Variants in DNAAF6 observed in about 807,000 individuals in gnomAD.
DNAAF6 encodes the protein dynein axonemal assembly factor 6, also known as PIH1 domain containing 3.
Under a neutral mutation model 13.7 loss-of-function variants are expected in DNAAF6, and 3 were observed. The observed-to-expected ratio is 0.22, with a 90% CI of 0.10 to 0.56. The LOEUF (loss-of-function observed/expected upper bound fraction) is 0.56, where lower values mean the gene tolerates loss of function less well. DNAAF6 is among the 20% of genes least tolerant of loss of function. The probability of loss-of-function intolerance (pLI) is 0.92; values close to 1 mark genes in which losing one functional copy is unlikely to be tolerated. For missense variants in DNAAF6, 130 were observed against 151.0 expected (o/e 0.86, Z 0.73); for synonymous variants, 54 against 49.2 (o/e 1.10, Z -0.41).
In DNAAF6 at chrX:107,209,685, T is replaced by C. The variant is rs895571020; in HGVS notation, c.-4+2995T>C. On this transcript the variant is annotated intron_variant, in intron 1 of 6. Transcript: ENST00000372453. ...CTGACCTCAGGTGATCCACCCACCT[T>C]AGCCTCCCAAAGTGCTGGGATTACA... is the stretch of plus-strand genomic sequence containing the variant. Among the ~76,000 whole-genome samples, 13 of 112,121 alleles carry C rather than the reference T, an allele frequency of 1.2e-4. No individual in the cohort carries two copies. In the East Asian group the frequency reaches 3.6e-3, roughly 31 times the overall value.
intron 1 of DNAAF6, among the ~76,000 whole-genome samples, chrX:107,208,376 T>G (rs190407189): frequency 9.3e-6 from 1 of 107,630 alleles, no homozygotes; most frequent in East Asian, 3.0e-4. Context: ...GAGGCTGCAG[T>G]GAGCCGAGAT....
intron 4 of DNAAF6, among the ~76,000 whole-genome samples, chrX:107,221,401 C>T (rs1241893291): frequency 1.8e-5 from 2 of 110,398 alleles, no homozygotes; most frequent in African/African-American, 6.6e-5. Context: ...ACTACAGGTG[C>T]ACACTTTATT....
Position 107,243,923 on chromosome X carries a change from T to C in DNAAF6, c.*625T>C, listed in dbSNP as rs1288749246. The C allele has an allele frequency of 8.9e-6, 1 of 112,500 alleles. No homozygotes were observed. The highest frequency in any genetic ancestry group is 2.8e-4 in the East Asian group (1 of 3,588). The allele number at this position is 112,500 out of a possible 1,213,427, so 9.3% of individuals were successfully genotyped here. A position where few individuals can be genotyped will look rare whatever the true frequency, so the allele number is the denominator to read the frequency against. On this transcript the variant is annotated 3_prime_UTR_variant, in exon 7 of 7. Transcript: ENST00000372453. ...GGTCATTATTATTACCAGAGAATTT[T>C]ATTTGGTTGCTTTTTCATTGATTTG... is the stretch of plus-strand genomic sequence containing the variant.
At chrX:107,231,909 G>C (rs1428507525) in intron 5 of DNAAF6, among the ~76,000 whole-genome samples, 1 of 111,089 alleles carries the variant, frequency 9.0e-6, no homozygotes, top group Non-Finnish European at 1.9e-5. Context: ...CCAGGCTAGG[G>C]TGCAGTGGTG....
intron 5 of DNAAF6, among the ~76,000 whole-genome samples, chrX:107,230,909 G>A (rs1007020716): frequency 1.8e-5 from 2 of 111,229 alleles, no homozygotes; most frequent in Non-Finnish European, 3.8e-5. Flanking sequence ...GTTATTTCCC[G>A]ATTCCTTGTT....
chrX:107,230,427 A>T (rs1300810708), intron 5 of DNAAF6, among the ~76,000 whole-genome samples: 2 of 111,998 alleles, frequency 1.8e-5, no homozygotes, highest in Admixed American at 1.9e-4. Context: ...TCACACCTGT[A>T]ATTCCAGCAC....
intron 6 of DNAAF6, 26 bp from the exon 7 acceptor site, chrX:107,243,143 G>A: frequency 8.4e-7 from 1 of 1,195,366 alleles, no homozygotes; most frequent in Non-Finnish European, 1.1e-6. Flanking sequence ...AGGAAGCTAA[G>A]GTTTTATTTT....
intron 1 of DNAAF6, 54 bp downstream of exon 1, chrX:107,206,744 G>C (rs961504949): frequency 8.1e-5 from 9 of 110,965 alleles, no homozygotes; most frequent in South Asian, 7.7e-4. Flanking sequence ...AGATGCTGTG[G>C]CTATCAGAAA....
intron 1 of DNAAF6, among the ~76,000 whole-genome samples, chrX:107,212,517 A>G (rs757020628): frequency 2.7e-5 from 3 of 111,865 alleles, no homozygotes; most frequent in Non-Finnish European, 5.6e-5. Flanking sequence ...TACATAATGT[A>G]TCATACACTT....
At chrX:107,212,568 C>T (rs1927881135) in intron 1 of DNAAF6, among the ~76,000 whole-genome samples, 1 of 111,712 alleles carries the variant, frequency 9.0e-6, no homozygotes, top group Non-Finnish European at 1.9e-5. Flanking sequence ...TTTAAACCAA[C>T]TCCCCCAAGT....
chrX:107,221,646 T>C (rs1928144181), intron 4 of DNAAF6, among the ~76,000 whole-genome samples: 1 of 111,520 alleles, frequency 9.0e-6, no homozygotes, highest in Non-Finnish European at 1.9e-5. Context: ...CTTGAGCAAA[T>C]CCATTAGGAG....
intron 5 of DNAAF6, 35 bp from the exon 6 acceptor site, chrX:107,238,887 G>A (rs1285868879): frequency 6.7e-6 from 8 of 1,201,055 alleles, no homozygotes; most frequent in Non-Finnish European, 9.0e-6. Context: ...TGCTCTCCAA[G>A]ATATCACTAT....
intron 5 of DNAAF6, among the ~76,000 whole-genome samples, chrX:107,230,285 T>C (rs1188881499): frequency 8.9e-6 from 1 of 111,854 alleles, no homozygotes; most frequent in Non-Finnish European, 1.9e-5. Flanking sequence ...ACGATCATCA[T>C]CTCTATCTGG....
At chrX:107,235,693 C>T (rs1409585195) in intron 5 of DNAAF6, among the ~76,000 whole-genome samples, 1 of 111,538 alleles carries the variant, frequency 9.0e-6, no homozygotes, top group Non-Finnish European at 1.9e-5. Context: ...GAGCCTAAGC[C>T]AGAACCATCT....
chrX:107,239,082 T>C (rs1928577951), intron 6 of DNAAF6, 75 bp downstream of exon 6: 1 of 1,090,929 alleles, frequency 9.2e-7, no homozygotes, highest in Admixed American at 3.7e-5. Context: ...TTTTAAAATG[T>C]ACAGTTATTT....
intron 2 of DNAAF6, 147 bp downstream of exon 2, chrX:107,213,175 A>G: frequency 2.0e-6 from 1 of 503,339 alleles, no homozygotes. Flanking sequence ...TATGCATGAC[A>G]ATGTAACCTG....
intron 2 of DNAAF6, among the ~76,000 whole-genome samples, chrX:107,214,600 G>A (rs911959737): frequency 9.0e-6 from 1 of 111,507 alleles, no homozygotes; most frequent in Non-Finnish European, 1.9e-5. Flanking sequence ...CTATAATAAT[G>A]TATGATTCTG....
At chrX:107,218,009 C>T (rs1401177424) in intron 3 of DNAAF6, among the ~76,000 whole-genome samples, 1 of 112,327 alleles carries the variant, frequency 8.9e-6, no homozygotes, top group Non-Finnish European at 1.9e-5. Flanking sequence ...TGTAGTTAGG[C>T]TTTACAAAGC....
At chrX:107,206,902 C>T (rs1227005369) in intron 1 of DNAAF6, among the ~76,000 whole-genome samples, 1 of 111,806 alleles carries the variant, frequency 8.9e-6, no homozygotes, top group African/African-American at 3.3e-5. Flanking sequence ...AAACAGGACG[C>T]TGCTTTAACA....
Sources: gnomAD v4.1 joint callset for allele counts (sites outside exome capture counted in the v4.1 genomes callset) on GRCh38, gnomAD v4.1.1 for gene constraint, MANE v1.5 for transcripts, NCBI Gene and HGNC (gene_info 2026-07-23, HGNC 2026-07-21) for gene names.